The following GRM7 variants were observed in gnomAD, a reference collection of about 807,000 sequenced individuals.
GRM7 encodes glutamate metabotropic receptor 7.
A neutral mutation model predicts 84.5 loss-of-function variants in GRM7; 35 were observed. The ratio of observed to expected loss-of-function variants is 0.41; its 90% CI spans 0.32 to 0.55. The LOEUF is 0.55. Ranked by LOEUF, GRM7 falls within the 20% of genes least tolerant of loss-of-function variation. The pLI is 0.19. For synonymous variants in GRM7, 487 were observed against 455.1 expected, an observed-to-expected ratio of 1.07 and a Z score of -0.89; for missense variants, 1,003 against 1,194.6, an observed-to-expected ratio of 0.84 and a Z score of 2.36.
chr3:7,410,325 C>T (rs1310956495), intron 4 of GRM7, among the ~76,000 whole-genome samples: 3 of 152,126 alleles, frequency 2.0e-5, no homozygotes. Flanking sequence ...AATCCCAACA[C>T]TTTGGGAGGC....
intron 7 of GRM7, among the ~76,000 whole-genome samples, chr3:7,502,004 T>C (rs1015569306): frequency 6.6e-5 from 10 of 152,348 alleles, no homozygotes; most frequent in Admixed American, 2.6e-4. Flanking sequence ...TTTTTCACTT[T>C]GTAAAAAAAG....
intron 7 of GRM7, among the ~76,000 whole-genome samples, chr3:7,529,002 G>A (rs75383512): frequency 0.015 from 2,336 of 152,160 alleles, 29 homozygotes; most frequent in Middle Eastern, 0.031. Flanking sequence ...TTGTTGAGTA[G>A]TATGTTGTGT....
intron 1 of GRM7, among the ~76,000 whole-genome samples, chr3:6,972,768 C>T (rs1445184683): frequency 1.3e-5 from 2 of 152,172 alleles, no homozygotes; most frequent in African/African-American, 4.8e-5. Flanking sequence ...GTAGGTGCCA[C>T]TACCTCGCTC....
intron 7 of GRM7, among the ~76,000 whole-genome samples, chr3:7,559,886 T>C (rs547925174): frequency 6.6e-6 from 1 of 152,196 alleles, no homozygotes; most frequent in East Asian, 1.9e-4. Flanking sequence ...ATGGCCTCCT[T>C]CTCATGTTGT....
chr3:7,545,530 C>A (rs1693107019), intron 7 of GRM7, among the ~76,000 whole-genome samples: 1 of 152,184 alleles, frequency 6.6e-6, no homozygotes, highest in South Asian at 2.1e-4. Context: ...TTGCACAATG[C>A]AGTAGTGGCT....
chr3:7,162,363 G>T (rs547638800), intron 2 of GRM7, among the ~76,000 whole-genome samples: 1 of 152,226 alleles, frequency 6.6e-6, no homozygotes, highest in African/African-American at 2.4e-5. Flanking sequence ...GCCTGAAGAC[G>T]TAGAAAGAAA....
chr3:6,966,369 G>A (rs952358712), intron 1 of GRM7, among the ~76,000 whole-genome samples: 3 of 152,186 alleles, frequency 2.0e-5, no homozygotes, highest in African/African-American at 4.8e-5. Flanking sequence ...AAGGATGCAA[G>A]GTTGGACTAG....
intron 4 of GRM7, among the ~76,000 whole-genome samples, chr3:7,336,129 A>G (rs753803899): frequency 6.6e-6 from 1 of 152,092 alleles, no homozygotes; most frequent in South Asian, 2.1e-4. Flanking sequence ...ATGAAGATAG[A>G]TGCAAAAATT....
At chr3:7,476,833 T>C (rs886599342) in intron 7 of GRM7, among the ~76,000 whole-genome samples, 1 of 152,152 alleles carries the variant, frequency 6.6e-6, no homozygotes, top group Admixed American at 6.5e-5. Flanking sequence ...TCACATTCTG[T>C]CTGACAGTTC....
At chr3:6,979,759 T>C (rs1358475076) in intron 1 of GRM7, among the ~76,000 whole-genome samples, 1 of 152,180 alleles carries the variant, frequency 6.6e-6, no homozygotes, top group Non-Finnish European at 1.5e-5. Flanking sequence ...GTTTTCACCA[T>C]TACTTTTAAT....
chr3:6,887,168 G>T (rs1471366285), intron 1 of GRM7, among the ~76,000 whole-genome samples: 2 of 151,764 alleles, frequency 1.3e-5, no homozygotes, highest in Admixed American at 6.6e-5. Flanking sequence ...TGTAAACAAT[G>T]TGAAGGAAAG....
rs561835617 is a variant in GRM7 at position 7,740,059 on chromosome 3, T to G, written c.2699-298T>G. Among the ~76,000 whole-genome samples the G allele has an allele frequency of 4.6e-5, 7 of 152,266 alleles. No individual in the cohort carries two copies. In the East Asian group the frequency reaches 1.2e-3, roughly 25 times the overall value. On this transcript the variant is annotated intron_variant, in intron 9 of 9. Coordinates refer to ENST00000357716, the MANE Select transcript of GRM7 (RefSeq NM_000844.4). ...CACAGTGTGAGTGAACCCTTTAAGT[T>G]AAGGGTTGATTGATTAGAAAGCATA...
chr3:7,583,579 C>A (rs984756053), intron 8 of GRM7, among the ~76,000 whole-genome samples: 4 of 152,172 alleles, frequency 2.6e-5, no homozygotes, highest in Non-Finnish European at 5.9e-5. Flanking sequence ...ATACCTCTTC[C>A]CATTCAGCTG....
chr3:7,560,925 C>T lies in GRM7; in HGVS notation c.1516-17497C>T, dbSNP rs138008686. On this transcript the variant is annotated intron_variant, in intron 7 of 9. Coordinates refer to ENST00000357716, the MANE Select transcript of GRM7 (RefSeq NM_000844.4). ...TAAGCTCAGGAAGTCCTATCCAATT[C>T]GTTCAACAATTTTATCCTAATGGAT... is the stretch of plus-strand genomic sequence containing the variant. Among the ~76,000 whole-genome samples the T allele has an allele frequency of 5.5e-3, 831 of 152,236 alleles. 4 individuals carry two copies. Among genetic ancestry groups the T allele is most frequent in the South Asian group, 8.9e-3 (43 of 4,820 alleles).
At chr3:7,258,828 G>A (rs1439128563) in intron 2 of GRM7, among the ~76,000 whole-genome samples, 2 of 152,206 alleles carry the variant, frequency 1.3e-5, no homozygotes, top group Non-Finnish European at 2.9e-5. Context: ...TGACAAATCA[G>A]AAGGAAAGAA....
At chr3:7,544,269 G>T (rs530418288) in intron 7 of GRM7, among the ~76,000 whole-genome samples, 1 of 152,282 alleles carries the variant, frequency 6.6e-6, no homozygotes, top group East Asian at 1.9e-4. Flanking sequence ...CTCAAGGGAA[G>T]CTCCTGCCTT....
At chr3:7,029,301 C>CAAAAAAAAACAAACAAACAAAA (rs1696097517) in intron 1 of GRM7, among the ~76,000 whole-genome samples, 2 of 55,244 alleles carry the variant, frequency 3.6e-5, no homozygotes, top group Non-Finnish European at 5.1e-5. Context: ...GACTCTGCCT[C>CAAAAAAAAACAAACAAACAAAA]AAAAAAAAAA....
At chr3:7,538,683 T>C (rs1030525700) in intron 7 of GRM7, among the ~76,000 whole-genome samples, 6 of 151,698 alleles carry the variant, frequency 4.0e-5, no homozygotes, top group Non-Finnish European at 8.8e-5. Context: ...ATTATAGCAA[T>C]ATGCTGTACC....
intron 8 of GRM7, among the ~76,000 whole-genome samples, chr3:7,660,712 CTAATA>C (rs879866922): frequency 1.3e-5 from 2 of 151,960 alleles, no homozygotes; most frequent in Non-Finnish European, 2.9e-5. Context: ...AAATGGAAGG[CTAATA>C]TAATCTGATT....
Sources: allele counts gnomAD v4.1 joint callset (sites outside exome capture counted in the v4.1 genomes callset), GRCh38; gene constraint gnomAD v4.1.1; transcripts MANE v1.5; gene names NCBI Gene and HGNC (gene_info 2026-07-23, HGNC 2026-07-21).